Variants in CNTNAP2 observed in about 807,000 individuals in gnomAD.
CNTNAP2 encodes the protein contactin associated protein 2.
A neutral mutation model predicts 155.2 loss-of-function variants in CNTNAP2; 98 were observed. The ratio of observed to expected loss-of-function variants is 0.63; its 90% CI spans 0.54 to 0.75. The LOEUF is 0.75. Ranked by LOEUF, CNTNAP2 falls within the 30% of genes least tolerant of loss-of-function variation. The probability of loss-of-function intolerance (pLI) is 0.00; values close to 1 mark genes in which losing one functional copy is unlikely to be tolerated. For synonymous variants in CNTNAP2, 651 were observed against 631.2 expected, an observed-to-expected ratio of 1.03 and a Z score of -0.47; for missense variants, 1,727 against 1,688.1, an observed-to-expected ratio of 1.02 and a Z score of -0.40.
At chr7:147,578,485 A>C (rs1374496903) in intron 12 of CNTNAP2, among the ~76,000 whole-genome samples, 1 of 152,072 alleles carries the variant, frequency 6.6e-6, no homozygotes, top group Non-Finnish European at 1.5e-5. Context: ...CTCTCCCATT[A>C]ACGGTAGTGT....
chr7:148,181,618 G>T (rs901605140), intron 18 of CNTNAP2, among the ~76,000 whole-genome samples: 5 of 151,748 alleles, frequency 3.3e-5, no homozygotes, highest in African/African-American at 1.2e-4. Flanking sequence ...TAGAGAAAGA[G>T]ATTTAAAAAT....
chr7:146,775,582 G>A (rs1000680308), intron 2 of CNTNAP2, among the ~76,000 whole-genome samples: 18 of 150,902 alleles, frequency 1.2e-4, no homozygotes, highest in African/African-American at 4.4e-4. Flanking sequence ...GAGAAAGGGA[G>A]GGAGGGAGAG....
intron 4 of CNTNAP2, among the ~76,000 whole-genome samples, chr7:147,088,918 T>C (rs1448215839): frequency 6.6e-6 from 1 of 151,866 alleles, no homozygotes; most frequent in Non-Finnish European, 1.5e-5. Context: ...CAATCCAGCC[T>C]GGGTGACAGA....
intron 17 of CNTNAP2, among the ~76,000 whole-genome samples, chr7:148,156,363 C>T (rs1324952543): frequency 6.6e-6 from 1 of 152,142 alleles, no homozygotes; most frequent in African/African-American, 2.4e-5. Context: ...CAGCATGTCT[C>T]CTGCGCTCTT....
chr7:147,423,162 G>A (rs1797324042), intron 10 of CNTNAP2, among the ~76,000 whole-genome samples: 1 of 152,066 alleles, frequency 6.6e-6, no homozygotes, highest in South Asian at 2.1e-4. Context: ...GACACATGAT[G>A]AAAAATAAAA....
chr7:147,099,884 C>T (rs568197358), intron 4 of CNTNAP2, among the ~76,000 whole-genome samples: 50 of 152,108 alleles, frequency 3.3e-4, no homozygotes, highest in Non-Finnish European at 3.2e-4. Context: ...ACAGCGAAGG[C>T]GAGAAGGCGA....
At chr7:147,003,974 G>T (rs982234889) in intron 3 of CNTNAP2, among the ~76,000 whole-genome samples, 4 of 152,020 alleles carry the variant, frequency 2.6e-5, no homozygotes, top group African/African-American at 9.7e-5. Flanking sequence ...AAAAATTACT[G>T]TGAGCTATGT....
rs1310317808 is a variant in CNTNAP2 at position 147,402,431 on chromosome 7, A to G, written c.1670+6651A>G. On this transcript the variant is annotated intron_variant, in intron 10 of 23. Transcript: ENST00000361727. ...TCAGATATGTCATGGGTATTGCTGGACTTAGGTTCTGGGATCTGTGTTTAA... is the reference window on the plus strand; with the variant it reads ...TCAGATATGTCATGGGTATTGCTGGGCTTAGGTTCTGGGATCTGTGTTTAA... Among the ~76,000 whole-genome samples, 3 of 152,222 alleles carry G rather than the reference A, an allele frequency of 2.0e-5. No individual in the cohort carries two copies. The East Asian group carries it at 5.8e-4, about 30-fold the overall frequency.
intron 15 of CNTNAP2, among the ~76,000 whole-genome samples, chr7:148,081,320 ATCTTGG>A: frequency 6.6e-6 from 1 of 152,088 alleles, no homozygotes; most frequent in East Asian, 1.9e-4. Flanking sequence ...CAAAGTATTG[ATCTTGG>A]GTGTGTATGT....
At chr7:146,221,365 A>C (rs1331841848) in intron 1 of CNTNAP2, among the ~76,000 whole-genome samples, 1 of 151,618 alleles carries the variant, frequency 6.6e-6, no homozygotes, top group African/African-American at 2.4e-5. Flanking sequence ...TATACGTTTA[A>C]ATATACTTTT....
chr7:148,175,202 G>T (rs1332833878), intron 18 of CNTNAP2, among the ~76,000 whole-genome samples: 1 of 152,162 alleles, frequency 6.6e-6, no homozygotes, highest in Non-Finnish European at 1.5e-5. Context: ...TGTAAATAGT[G>T]CTGCAATAAA....
intron 1 of CNTNAP2, among the ~76,000 whole-genome samples, chr7:146,303,505 T>C (rs951654350): frequency 6.6e-6 from 1 of 152,154 alleles, no homozygotes; most frequent in East Asian, 1.9e-4. Flanking sequence ...AGCAGTTCTG[T>C]TGAACTTATT....
chr7:147,457,522 T>C (rs369534804), intron 10 of CNTNAP2, among the ~76,000 whole-genome samples: 16 of 150,820 alleles, frequency 1.1e-4, no homozygotes, highest in African/African-American at 3.9e-4. Flanking sequence ...TCATAATTTA[T>C]CTCCTGTCGT....
intron 1 of CNTNAP2, among the ~76,000 whole-genome samples, chr7:146,156,596 A>C (rs116645225): frequency 2.4e-4 from 36 of 151,584 alleles, no homozygotes; most frequent in African/African-American, 8.2e-4. Flanking sequence ...TTTTAAAGTA[A>C]TAACTGCTTT....
chr7:147,769,683 A>G (rs1584946092), intron 13 of CNTNAP2, among the ~76,000 whole-genome samples: 6 of 152,260 alleles, frequency 3.9e-5, no homozygotes, highest in South Asian at 2.1e-4. Context: ...TCTCCACAAG[A>G]TATCTATAAA....
chr7:146,614,088 T>A (rs897067254), intron 1 of CNTNAP2, among the ~76,000 whole-genome samples: 2 of 152,162 alleles, frequency 1.3e-5, no homozygotes, highest in Non-Finnish European at 2.9e-5. Context: ...ATTAAGCTTT[T>A]ATTATGACCC....
chr7:148,331,734 G>GGAGTGGACAGATGGAGTGGATGGATA (rs1798024466), intron 21 of CNTNAP2, among the ~76,000 whole-genome samples: 1 of 16,378 alleles, frequency 6.1e-5, no homozygotes, highest in Admixed American at 5.3e-4. Context: ...TTGGATGGAT[G>GGAGTGGACAGATGGAGTGGATGGATA]GAGTGGATGG....
At chr7:148,295,435 C>G (rs1474781516) in intron 21 of CNTNAP2, among the ~76,000 whole-genome samples, 1 of 152,008 alleles carries the variant, frequency 6.6e-6, no homozygotes, top group African/African-American at 2.4e-5. Context: ...TTTTTGACTA[C>G]TAATATGGTA....
At chr7:148,178,910 C>G (rs1236186802) in intron 18 of CNTNAP2, among the ~76,000 whole-genome samples, 2 of 152,226 alleles carry the variant, frequency 1.3e-5, no homozygotes, top group Admixed American at 6.5e-5. Context: ...AAATGCCTAA[C>G]TGGCATTATT....
Sources: allele counts gnomAD v4.1 joint callset (sites outside exome capture counted in the v4.1 genomes callset), GRCh38; gene constraint gnomAD v4.1.1; transcripts MANE v1.5; gene names NCBI Gene and HGNC (gene_info 2026-07-23, HGNC 2026-07-21).